The following GRIN3A variants were observed in gnomAD, a reference collection of about 807,000 sequenced individuals.
GRIN3A encodes glutamate receptor ionotropic, NMDA 3A.
Under a neutral mutation model 92.4 loss-of-function variants are expected in GRIN3A, and 47 were observed. That is an observed-to-expected ratio of 0.51 (90% CI 0.40 to 0.65). GRIN3A has a LOEUF of 0.65. Among genes scored for constraint, GRIN3A ranks in the 30% least tolerant of loss-of-function variants. The pLI is 0.00. For missense variants in GRIN3A, 1,324 were observed against 1,393.1 expected (o/e 0.95, Z 0.79); for synonymous variants, 527 against 540.6 (o/e 0.97, Z 0.35).
rs1254219977 is a variant in GRIN3A at position 101,613,540 on chromosome 9, A to G, written c.2615-13T>C. 6 of 1,613,728 alleles carry G rather than the reference A, an allele frequency of 3.7e-6. No homozygotes were observed. In the Admixed American group the frequency reaches 1.0e-4, roughly 27 times the overall value. On this transcript the variant is annotated splice_polypyrimidine_tract_variant and intron_variant, in intron 5 of 8. Transcript: ENST00000361820. The stretch of plus-strand genomic sequence containing the variant: ...CCAATGCCGTATCCTAGAAGAAAAT[A>G]CAATCTCAGATGAGTTTTTTACACC...
intron 6 of GRIN3A, among the ~76,000 whole-genome samples, chr9:101,587,035 C>T (rs973755905): frequency 2.6e-5 from 4 of 152,100 alleles, no homozygotes; most frequent in Middle Eastern, 3.2e-3. Flanking sequence ...TGCAGCCGGG[C>T]GCAGTGGCTC....
At chr9:101,719,083 T>G (rs537055287) in intron 1 of GRIN3A, among the ~76,000 whole-genome samples, 24 of 152,136 alleles carry the variant, frequency 1.6e-4, no homozygotes, top group Non-Finnish European at 2.6e-4. Flanking sequence ...TTAAGCAGGT[T>G]AGTACACCGA....
intron 3 of GRIN3A, among the ~76,000 whole-genome samples, chr9:101,656,092 G>A (rs1023039173): frequency 2.0e-5 from 3 of 151,968 alleles, no homozygotes; most frequent in Non-Finnish European, 2.9e-5. Context: ...CAACAAAGAA[G>A]CTGATAAAGC....
intron 2 of GRIN3A, among the ~76,000 whole-genome samples, chr9:101,678,911 A>G (rs1253317864): frequency 2.6e-5 from 4 of 152,088 alleles, no homozygotes; most frequent in Non-Finnish European, 5.9e-5. Context: ...CCCCTATATC[A>G]TTGTCCTTAC....
intron 3 of GRIN3A, among the ~76,000 whole-genome samples, chr9:101,635,830 A>T (rs1308340954): frequency 6.6e-6 from 1 of 152,080 alleles, no homozygotes; most frequent in Non-Finnish European, 1.5e-5. Context: ...TTTGGAGCAG[A>T]CCCCGTAAGG....
chr9:101,623,740 T>C (rs10115481), intron 4 of GRIN3A, among the ~76,000 whole-genome samples: 69,113 of 152,170 alleles, frequency 0.45, 16,210 homozygotes, highest in African/African-American at 0.57. Context: ...GCATAGAGAA[T>C]GTTTATTCTT....
At chr9:101,733,857 T>A (rs918581623) in intron 1 of GRIN3A, among the ~76,000 whole-genome samples, 10 of 152,302 alleles carry the variant, frequency 6.6e-5, no homozygotes, top group Admixed American at 2.0e-4. Flanking sequence ...GGATCACTTT[T>A]TTTTTTAATT....
At chr9:101,579,715 G>A (rs1225570980) in intron 6 of GRIN3A, among the ~76,000 whole-genome samples, 2 of 152,180 alleles carry the variant, frequency 1.3e-5, no homozygotes, top group Non-Finnish European at 2.9e-5. Flanking sequence ...TGCCTCAGTT[G>A]TCCCTTCCTT....
At chr9:101,626,971 G>T (rs1219950201) in intron 4 of GRIN3A, among the ~76,000 whole-genome samples, 2 of 152,212 alleles carry the variant, frequency 1.3e-5, no homozygotes, top group Admixed American at 6.5e-5. Context: ...CCTGAGATAC[G>T]TGAATGCCCT....
chr9:101,573,602 T>C, intron 8 of GRIN3A, 89 bp from the exon 9 acceptor site: 2 of 1,029,848 alleles, frequency 1.9e-6, no homozygotes, highest in Non-Finnish European at 3.0e-6. Context: ...TGTGCAATAA[T>C]ATGGAGCTGG....
At chr9:101,575,326 TA>T (rs1293025229) in intron 8 of GRIN3A, among the ~76,000 whole-genome samples, 1 of 152,230 alleles carries the variant, frequency 6.6e-6, no homozygotes, top group Non-Finnish European at 1.5e-5. Context: ...CTTCTAGCTT[TA>T]TAATTCCCTT....
intron 3 of GRIN3A, among the ~76,000 whole-genome samples, chr9:101,631,856 C>T (rs1489937327): frequency 6.6e-6 from 1 of 152,198 alleles, no homozygotes; most frequent in Non-Finnish European, 1.5e-5. Context: ...ATTTGAGTCA[C>T]CATCATTTCT....
intron 6 of GRIN3A, chr9:101,594,568 C>T (rs755241988): frequency 1.9e-6 from 3 of 1,614,200 alleles, no homozygotes; most frequent in Admixed American, 3.3e-5. Flanking sequence ...TGCCCACCAT[C>T]ATCTTCAGCA....
chr9:101,709,097 GT>G (rs148953467), intron 1 of GRIN3A, among the ~76,000 whole-genome samples: 5 of 148,412 alleles, frequency 3.4e-5, no homozygotes, highest in East Asian at 2.0e-4. Flanking sequence ...CTAACTCTTT[GT>G]TTTTTTTTTC....
At chr9:101,719,092 G>T (rs182545557) in intron 1 of GRIN3A, among the ~76,000 whole-genome samples, 1 of 152,164 alleles carries the variant, frequency 6.6e-6, no homozygotes, top group Non-Finnish European at 1.5e-5. Flanking sequence ...TTAGTACACC[G>T]ATTCTCTTTC....
At chr9:101,697,522 G>GA (rs1829699155) in intron 1 of GRIN3A, among the ~76,000 whole-genome samples, 1 of 151,998 alleles carries the variant, frequency 6.6e-6, no homozygotes, top group Non-Finnish European at 1.5e-5. Flanking sequence ...AATAAGAAAT[G>GA]AAAAAAATGT....
intron 1 of GRIN3A, among the ~76,000 whole-genome samples, chr9:101,704,427 G>T (rs1829788997): frequency 6.6e-6 from 1 of 152,092 alleles, no homozygotes; most frequent in African/African-American, 2.4e-5. Flanking sequence ...AATGTGCTAG[G>T]CAATGTGACA....
At chr9:101,604,689 G>A (rs1478336880) in intron 6 of GRIN3A, among the ~76,000 whole-genome samples, 1 of 152,108 alleles carries the variant, frequency 6.6e-6, no homozygotes, top group African/African-American at 2.4e-5. Flanking sequence ...GTTGGGATGT[G>A]GGCTAGCTGT....
intron 3 of GRIN3A, among the ~76,000 whole-genome samples, chr9:101,653,739 T>C (rs10989583): frequency 6.6e-6 from 1 of 151,976 alleles, no homozygotes; most frequent in East Asian, 1.9e-4. Flanking sequence ...TTATTATTGA[T>C]ACAATTTGAT....
Sources: gnomAD v4.1 joint callset for allele counts (sites outside exome capture counted in the v4.1 genomes callset) on GRCh38, gnomAD v4.1.1 for gene constraint, MANE v1.5 for transcripts, NCBI Gene and HGNC (gene_info 2026-07-23, HGNC 2026-07-21) for gene names.